RBP3: variants seen among roughly 807,000 people sequenced by gnomAD.
RBP3 encodes retinol binding protein 3.
In RBP3, 50 loss-of-function variants were observed where a neutral mutation model predicts 64.8. That is an observed-to-expected ratio of 0.77 (90% confidence interval 0.61 to 0.98). The LOEUF is 0.98. Ranked by LOEUF, RBP3 falls within the 50% of genes least tolerant of loss-of-function variation. The probability of loss-of-function intolerance (pLI) is 0.00; values close to 1 mark genes in which losing one functional copy is unlikely to be tolerated. For synonymous variants in RBP3, 828 were observed against 730.2 expected (o/e 1.13, Z -2.16); for missense variants, 1,712 against 1,660.5 (o/e 1.03, Z -0.54).
At chr10:47,351,958 C>G (rs908519604) in intron 1 of RBP3, among the ~76,000 whole-genome samples, 9 of 152,188 alleles carry the variant, frequency 5.9e-5, no homozygotes, top group Non-Finnish European at 7.3e-5. Context: ...GAGGCCAACA[C>G]CTGTCAGAGG....
chr10:47,350,219 G>C lies in RBP3; in HGVS notation c.1735G>C (p.Val579Leu). ...TAGNLLHTRTVPLLDTPEGSL... is the reference protein window; with the variant it reads ...TAGNLLHTRTLPLLDTPEGSL... ...GGGCAACCTGCTGCACACCCGCACG[G>C]TGCCGCTGCTGGACACACCCGAAGG... is the stretch of plus-strand genomic sequence containing the variant. The change falls in exon 1 of 4, where the codon GTG becomes CTG. Residue 579 changes from valine to leucine, a missense_variant. Physicochemically the swap from Val to Leu is conservative, Grantham distance 32. Transcript: ENST00000584701. 2 of 1,609,026 alleles carry C rather than the reference G, an allele frequency of 1.2e-6. No individual in the cohort carries two copies. Among genetic ancestry groups the C allele is most frequent in the Non-Finnish European group, 1.7e-6 (2 of 1,179,930 alleles).
chr10:47,348,836 C>A lies in RBP3; in HGVS notation c.352C>A (p.Gln118Lys). The A allele has an allele frequency of 6.2e-7, 1 of 1,613,904 alleles. No individual in the cohort carries two copies. Among genetic ancestry groups the A allele is most frequent in the Non-Finnish European group, 8.5e-7 (1 of 1,180,042 alleles). Residue 118 changes from glutamine to lysine, a missense_variant, in exon 1 of 4, where the codon CAA becomes AAA. Coordinates refer to ENST00000584701, the MANE Select transcript of RBP3 (RefSeq NM_002900.3). ...LSEEELLAWL[Q>K]RGLRHEVLEG... ...AGAAGAGGAACTGCTTGCCTGGCTG[C>A]AAAGGGGCCTCCGCCATGAGGTTCT... is the stretch of plus-strand genomic sequence containing the variant.
In RBP3 at chr10:47,348,587, C is replaced by T. The variant is rs781991296; in HGVS notation, c.103C>T (p.Leu35Phe). 2 of 1,613,438 alleles carry T rather than the reference C, an allele frequency of 1.2e-6. No homozygotes were observed. The highest frequency in any genetic ancestry group is 1.7e-6 in the Non-Finnish European group (2 of 1,180,040). Residue 35 changes from leucine (L) to phenylalanine (F), a missense_variant, in exon 1 of 4, where the codon CTC (leucine) becomes TTC (phenylalanine). Coordinates refer to ENST00000584701, the MANE Select transcript of RBP3 (RefSeq NM_002900.3). ...PSLVLDMAKVLLDNYCFPENL... is the reference protein window; with the variant it reads ...PSLVLDMAKVFLDNYCFPENL... ...CCTGGTGCTGGACATGGCCAAGGTC[C>T]TCTTGGATAACTACTGCTTCCCGGA...
chr10:47,349,072 G>C lies in RBP3; in HGVS notation c.588G>C (p.Val196=). The change falls in exon 1 of 4, where the codon GTG becomes GTC. Residue 196 remains valine (V), a synonymous_variant. Coordinates refer to ENST00000584701, the MANE Select transcript of RBP3 (RefSeq NM_002900.3). Reference sequence around the variant, plus strand: ...ACCCAGGGAACACCATCCTGCACGTGGACACTATCTACAACCGCCCCTCCA... The same window carrying C: ...ACCCAGGGAACACCATCCTGCACGTCGACACTATCTACAACCGCCCCTCCA... ...YLHPGNTILH[V]DTIYNRPSNT... The C allele has an allele frequency of 1.2e-6, 2 of 1,614,014 alleles. No individual in the cohort carries two copies. The highest frequency in any genetic ancestry group is 1.7e-6 in the Non-Finnish European group (2 of 1,180,024).
At chr10:47,354,288 G>T (rs1837019024) in intron 2 of RBP3, among the ~76,000 whole-genome samples, 1 of 152,166 alleles carries the variant, frequency 6.6e-6, no homozygotes, top group South Asian at 2.1e-4. Flanking sequence ...CACCCTCCCT[G>T]GGCAGGTTGC....
At chr10:47,351,892 C>T (rs1399273590) in intron 1 of RBP3, among the ~76,000 whole-genome samples, 1 of 152,218 alleles carries the variant, frequency 6.6e-6, no homozygotes, top group Non-Finnish European at 1.5e-5. Flanking sequence ...GCATTTCAGC[C>T]TTGGCTGGGT....
chr10:47,349,976 G>T lies in RBP3; in HGVS notation c.1492G>T (p.Gly498Cys), dbSNP rs1555211224. Residue 498 changes from glycine (G) to cysteine (C), a missense_variant, in exon 1 of 4, where the codon GGC becomes TGC. Physicochemically the swap from Gly to Cys is radical, Grantham distance 159 (BLOSUM62 -3). Coordinates refer to ENST00000584701, the MANE Select transcript of RBP3 (RefSeq NM_002900.3). ...GCCCCTGCTCCTGTCCTACTTCCAG[G>T]GCCCTGAGGCCGGCCCCGTGCACCT... is the stretch of plus-strand genomic sequence containing the variant. The part of the protein sequence containing the change: ...AVPLLLSYFQ[G>C]PEAGPVHLFT... 8 of 1,612,560 alleles carry T rather than the reference G, an allele frequency of 5.0e-6. No homozygotes were observed. Among genetic ancestry groups the T allele is most frequent in the Non-Finnish European group, 6.8e-6 (8 of 1,179,610 alleles).
At chr10:47,357,045 A>C (rs1246166709) in intron 3 of RBP3, 57 bp from the exon 4 acceptor site, 1 of 1,521,966 alleles carries the variant, frequency 6.6e-7, no homozygotes, top group Non-Finnish European at 8.9e-7. Context: ...GATAGAGAAG[A>C]CAGGTGCTCC....
At position 47,350,639 on chromosome 10, in the gene RBP3, G is replaced by A; in HGVS notation, c.2155G>A (p.Ala719Thr). 1 of 1,612,614 alleles carries A rather than the reference G, an allele frequency of 6.2e-7. No homozygotes were observed. The highest frequency in any genetic ancestry group is 8.5e-7 in the Non-Finnish European group (1 of 1,179,972). ...AGAGGAAGCACCCCCACCACCCCCT[G>A]CTGTCCCCTCTCCAGAGGAGCTCAC... ...VVEEAPPPPP[A>T]VPSPEELTYL... is the part of the protein sequence containing the mutation. The change falls in exon 1 of 4, where the codon GCT becomes ACT. Residue 719 changes from alanine (A) to threonine (T), a missense_variant. Transcript: ENST00000584701.
rs868957017 is a variant in RBP3, at chr10:47,349,220, C to T, written c.736C>T (p.Leu246Phe). The change falls in exon 1 of 4, where the codon CTT (leucine) becomes TTT (phenylalanine). Residue 246 changes from leucine (L) to phenylalanine (F), a missense_variant. Coordinates refer to ENST00000584701, the MANE Select transcript of RBP3 (RefSeq NM_002900.3). The stretch of plus-strand genomic sequence containing the variant: ...CGTGGCCGAGGACATCGCGCACATC[C>T]TTAAGCAGATGCGCAGGGCCATCGT... ...RGVAEDIAHI[L>F]KQMRRAIVVG... 1 of 1,613,532 alleles carries T rather than the reference C, an allele frequency of 6.2e-7. No individual in the cohort carries two copies. Among genetic ancestry groups the T allele is most frequent in the South Asian group, 1.1e-5 (1 of 91,082 alleles).
chr10:47,349,283 C>T lies in RBP3; in HGVS notation c.799C>T (p.Arg267Trp), dbSNP rs782577134. Residue 267 changes from arginine (R) to tryptophan (W), a missense_variant, in exon 1 of 4, where the codon CGG (arginine) becomes TGG (tryptophan). Coordinates refer to ENST00000584701, the MANE Select transcript of RBP3 (RefSeq NM_002900.3). ...ERTGGGALDLRKLRIGESDFF... is the reference protein window; with the variant it reads ...ERTGGGALDLWKLRIGESDFF... ...GACTGGGGGAGGGGCCCTGGACCTCCGGAAGCTGAGGATAGGCGAGTCTGA... is the reference window on the plus strand; with the variant it reads ...GACTGGGGGAGGGGCCCTGGACCTCTGGAAGCTGAGGATAGGCGAGTCTGA... 3.7e-6 allele frequency: 6 copies of T among 1,612,840 alleles called. No individual in the cohort carries two copies. The highest frequency in any genetic ancestry group is 1.3e-5 in the African/African-American group (1 of 74,924).
rs1488357345 is a variant in RBP3, at chr10:47,349,770, T to C, written c.1286T>C (p.Val429Ala). 9.9e-6 allele frequency: 16 copies of C among 1,613,050 alleles called. No homozygotes were observed. Among genetic ancestry groups the C allele is most frequent in the Non-Finnish European group, 1.4e-5 (16 of 1,180,030 alleles). ...EAIRQALVDSVFQVSVLPGNV... is the reference protein window; with the variant it reads ...EAIRQALVDSAFQVSVLPGNV... ...ATCCGGCAAGCACTGGTGGACTCTG[T>C]GTTCCAGGTGTCGGTGCTGCCAGGC... The change falls in exon 1 of 4, where the codon GTG becomes GCG. Residue 429 changes from valine (V) to alanine (A), a missense_variant. Coordinates refer to ENST00000584701, the MANE Select transcript of RBP3 (RefSeq NM_002900.3).
Position 47,349,433 on chromosome 10 carries a change from C to T in RBP3, c.949C>T (p.Leu317=). ...GGCCGAGCAGGCCCTGGAGAAAGCC[C>T]TGGCCATCCTCACTCTGCGCAGCGC... is the stretch of plus-strand genomic sequence containing the variant. ...TPAEQALEKA[L]AILTLRSALP... Residue 317 remains leucine, a synonymous_variant, in exon 1 of 4, where the codon CTG becomes TTG. Transcript: ENST00000584701. 6.2e-7 allele frequency: 1 copy of T among 1,612,244 alleles called. No homozygotes were observed. The highest frequency in any genetic ancestry group is 1.1e-5 in the South Asian group (1 of 91,084).
At chr10:47,351,612 CTG>C (rs782610347) in intron 1 of RBP3, 74 bp downstream of exon 1, 40 of 1,543,448 alleles carry the variant, frequency 2.6e-5, no homozygotes, top group Middle Eastern at 3.5e-4. Flanking sequence ...ATGCAGGGCT[CTG>C]TGCACAGTGC....
rs548781038 is a variant in RBP3 at position 47,354,175 on chromosome 10, A to G, written c.3245+660A>G. Among the ~76,000 whole-genome samples, 5 of 152,316 alleles carry G rather than the reference A, an allele frequency of 3.3e-5. No homozygotes were observed. In the South Asian group the frequency reaches 1.0e-3, roughly 32 times the overall value. On this transcript the variant is annotated intron_variant, in intron 2 of 3. Coordinates refer to ENST00000584701, the MANE Select transcript of RBP3 (RefSeq NM_002900.3). ...GTAAAAATGTGCCTCATATGTCATG[A>G]GTTTACCTCATGGACCAGGGGTAGG... is the stretch of plus-strand genomic sequence containing the variant.
chr10:47,356,416 C>T (rs1837048057), intron 3 of RBP3, among the ~76,000 whole-genome samples: 1 of 152,122 alleles, frequency 6.6e-6, no homozygotes, highest in African/African-American at 2.4e-5. Flanking sequence ...CTGCGGCCAC[C>T]AAGCATTTGA....
chr10:47,353,455 T>G lies in RBP3; in HGVS notation c.3185T>G (p.Leu1062Arg), dbSNP rs1837005945. 2 of 1,614,066 alleles carry G rather than the reference T, an allele frequency of 1.2e-6. No homozygotes were observed. The highest frequency in any genetic ancestry group is 2.7e-5 in the African/African-American group (2 of 74,936). ...GAGCTGCTCACCCAGGTCTCCAGGC[T>G]GCTGGTGGAGCACATCTGGAAGAAG... The part of the protein sequence containing the change: ...DGELLTQVSR[L>R]LVEHIWKKIM... The change falls in exon 2 of 4, where the codon CTG (leucine) becomes CGG (arginine). Residue 1062 changes from leucine (L) to arginine (R), a missense_variant. Transcript: ENST00000584701.
chr10:47,355,777 T>C (rs1187988409), intron 3 of RBP3, among the ~76,000 whole-genome samples: 2 of 152,136 alleles, frequency 1.3e-5, no homozygotes, highest in Middle Eastern at 3.2e-3. Context: ...AAACCCAAAA[T>C]GTGAATATTA....
rs373731339 is a variant in RBP3, at chr10:47,350,977, C to A, written c.2493C>A (p.Gly831=). Residue 831 remains glycine, a synonymous_variant, in exon 1 of 4, where the codon GGC becomes GGA. Coordinates refer to ENST00000584701, the MANE Select transcript of RBP3 (RefSeq NM_002900.3). ...TGTGGACCTTGCCCCAGGTCGCCGG[C>A]CAGCGCTACGGCTCACACAAGGACC... The part of the protein sequence containing the change: ...TEVWTLPQVA[G]QRYGSHKDLY... The A allele has an allele frequency of 1.2e-6, 2 of 1,612,082 alleles. No homozygotes were observed. Among genetic ancestry groups the A allele is most frequent in the Non-Finnish European group, 1.7e-6 (2 of 1,179,986 alleles).
Sources: allele counts gnomAD v4.1 joint callset (sites outside exome capture counted in the v4.1 genomes callset), GRCh38; gene constraint gnomAD v4.1.1; transcripts MANE v1.5; gene names NCBI Gene and HGNC (gene_info 2026-07-23, HGNC 2026-07-21).